The following KCNT2 variants were observed in gnomAD, a reference collection of about 807,000 sequenced individuals.
The protein encoded by KCNT2 is potassium channel subfamily T member 2.
Under a neutral mutation model 153.8 loss-of-function variants are expected in KCNT2, and 67 were observed. The ratio of observed to expected loss-of-function variants is 0.44; its 90% CI spans 0.36 to 0.53. KCNT2 has a LOEUF of 0.53. KCNT2 is among the 20% of genes least tolerant of loss of function. The probability of loss-of-function intolerance (pLI) is 0.00; values close to 1 mark genes in which losing one functional copy is unlikely to be tolerated. For synonymous variants in KCNT2, 500 were observed against 458.8 expected, an observed-to-expected ratio of 1.09 and a Z score of -1.15; for missense variants, 975 against 1,354.8, an observed-to-expected ratio of 0.72 and a Z score of 4.40.
chr1:196,353,719 C>T (rs1165346920), intron 14 of KCNT2, among the ~76,000 whole-genome samples: 1 of 151,888 alleles, frequency 6.6e-6, no homozygotes, highest in African/African-American at 2.4e-5. Context: ...TACTATACTT[C>T]AAAATAATCA....
At chr1:196,266,466 T>C (rs1044973613) in intron 25 of KCNT2, among the ~76,000 whole-genome samples, 2 of 152,304 alleles carry the variant, frequency 1.3e-5, no homozygotes, top group South Asian at 2.1e-4. Context: ...ACAGATATTG[T>C]CTAAAAATAT....
At chr1:196,366,763 C>T (rs762307480) in intron 14 of KCNT2, among the ~76,000 whole-genome samples, 20 of 152,030 alleles carry the variant, frequency 1.3e-4, no homozygotes, top group Non-Finnish European at 2.5e-4. Flanking sequence ...TTTGTCTCTC[C>T]AATTAGAATA....
At position 196,305,439 on chromosome 1, in the gene KCNT2, G is replaced by A. The variant is rs1050753417; in HGVS notation, c.2484-94C>T. The A allele has an allele frequency of 1.9e-5, 13 of 679,308 alleles. No individual in the cohort carries two copies. The East Asian group carries it at 2.5e-4, about 13-fold the overall frequency. The allele number at this position is 679,308 out of a possible 1,614,324, so 42.1% of individuals were successfully genotyped here. A position where few individuals can be genotyped will look rare whatever the true frequency, so the allele number is the denominator to read the frequency against. Reference sequence around the variant, plus strand: ...ATGAGTGAGTGATTCCTAGCCTTGGGCATAAAACTATATCCAATTACAACA... The same window carrying A: ...ATGAGTGAGTGATTCCTAGCCTTGGACATAAAACTATATCCAATTACAACA... On this transcript the variant is annotated intron_variant, in intron 21 of 27. Transcript: ENST00000294725.
intron 1 of KCNT2, among the ~76,000 whole-genome samples, chr1:196,591,672 C>T (rs763246367): frequency 1.3e-5 from 2 of 152,158 alleles, no homozygotes; most frequent in Non-Finnish European, 2.9e-5. Context: ...TGTCTTATCT[C>T]TCCAGCACAA....
chr1:196,472,645 G>T (rs982282604), intron 5 of KCNT2, among the ~76,000 whole-genome samples: 1 of 152,202 alleles, frequency 6.6e-6, no homozygotes, highest in East Asian at 1.9e-4. Context: ...CAAAACTTAT[G>T]ATTTGTTCCC....
chr1:196,561,828 T>A (rs1659456975), intron 1 of KCNT2, among the ~76,000 whole-genome samples: 1 of 151,656 alleles, frequency 6.6e-6, no homozygotes. Flanking sequence ...ATGTAAGATG[T>A]ACATTGACTC....
intron 1 of KCNT2, among the ~76,000 whole-genome samples, 157 bp from the exon 2 acceptor site, chr1:196,492,498 T>C (rs530006682): frequency 1.3e-5 from 2 of 152,228 alleles, no homozygotes; most frequent in African/African-American, 4.8e-5. Flanking sequence ...TGTATTTTAG[T>C]AAATTCCCTG....
intron 1 of KCNT2, among the ~76,000 whole-genome samples, chr1:196,598,323 C>T (rs1158416740): frequency 6.6e-6 from 1 of 152,092 alleles, no homozygotes; most frequent in Non-Finnish European, 1.5e-5. Flanking sequence ...TACCTTTACC[C>T]TATTTCAGTC....
chr1:196,523,231 C>A (rs1197187093), intron 1 of KCNT2, among the ~76,000 whole-genome samples: 1 of 152,068 alleles, frequency 6.6e-6, no homozygotes, highest in African/African-American at 2.4e-5. Flanking sequence ...AGACCACGAA[C>A]CCACCGGAAG....
intron 15 of KCNT2, among the ~76,000 whole-genome samples, chr1:196,341,768 C>T (rs1665658716): frequency 6.6e-6 from 1 of 151,796 alleles, no homozygotes; most frequent in South Asian, 2.1e-4. Flanking sequence ...TCCTAATCAA[C>T]ATCTTAAAAT....
intron 25 of KCNT2, among the ~76,000 whole-genome samples, chr1:196,264,390 A>T (rs1657320125): frequency 6.6e-6 from 1 of 152,054 alleles, no homozygotes; most frequent in South Asian, 2.1e-4. Flanking sequence ...TTACTTCCTG[A>T]GTTTTCATTA....
chr1:196,529,189 G>A (rs564860857), intron 1 of KCNT2, among the ~76,000 whole-genome samples: 15 of 152,170 alleles, frequency 9.9e-5, no homozygotes, highest in Middle Eastern at 6.8e-3. Context: ...AGAGTTTTCC[G>A]AAATGTGTGT....
intron 23 of KCNT2, among the ~76,000 whole-genome samples, chr1:196,284,509 C>G (rs752430735): frequency 1.3e-5 from 2 of 151,374 alleles, no homozygotes; most frequent in African/African-American, 2.4e-5. Flanking sequence ...CTTAAAACTA[C>G]TGGTGCATAA....
At chr1:196,368,674 A>T (rs919247919) in intron 14 of KCNT2, among the ~76,000 whole-genome samples, 1 of 152,136 alleles carries the variant, frequency 6.6e-6, no homozygotes, top group African/African-American at 2.4e-5. Flanking sequence ...GTGTTATTTT[A>T]TTATGCTATA....
intron 14 of KCNT2, among the ~76,000 whole-genome samples, chr1:196,367,581 AT>A (rs1668151914): frequency 6.6e-6 from 1 of 152,222 alleles, no homozygotes. Context: ...TCAAGCCTAC[AT>A]TTGAATATGT....
intron 14 of KCNT2, among the ~76,000 whole-genome samples, chr1:196,357,608 G>C (rs577454099): frequency 4.6e-4 from 70 of 151,952 alleles, no homozygotes; most frequent in African/African-American, 1.7e-3. Flanking sequence ...ACAAATATAG[G>C]TGTTTGTTTT....
At chr1:196,424,962 A>G (rs1276896864) in intron 11 of KCNT2, among the ~76,000 whole-genome samples, 1 of 151,826 alleles carries the variant, frequency 6.6e-6, no homozygotes, top group Non-Finnish European at 1.5e-5. Flanking sequence ...TTATCCAGGA[A>G]AGAAAAAAAA....
At chr1:196,581,377 T>C (rs188589167) in intron 1 of KCNT2, among the ~76,000 whole-genome samples, 222 of 152,228 alleles carry the variant, frequency 1.5e-3, no homozygotes, top group Non-Finnish European at 2.5e-3. Flanking sequence ...TAAAAAAAGT[T>C]CTATTTTTAT....
In KCNT2 at chr1:196,353,071, T is replaced by C. The variant is rs1295724888; in HGVS notation, c.1404-10843A>G. Among the ~76,000 whole-genome samples the C allele has an allele frequency of 3.3e-5, 5 of 152,042 alleles. No individual in the cohort carries two copies. The Admixed American group carries it at 3.3e-4, about 10-fold the overall frequency. On this transcript the variant is annotated intron_variant, in intron 14 of 27. Coordinates refer to ENST00000294725, the MANE Select transcript of KCNT2 (RefSeq NM_198503.5). Reference sequence around the variant, plus strand: ...ATTGCACTGTGGTCTTTTTAAACTATCGGTTGTGCTTCAGGAAACTCACGC... The same window carrying C: ...ATTGCACTGTGGTCTTTTTAAACTACCGGTTGTGCTTCAGGAAACTCACGC...
Sources: allele counts gnomAD v4.1 joint callset (sites outside exome capture counted in the v4.1 genomes callset), GRCh38; gene constraint gnomAD v4.1.1; transcripts MANE v1.5; gene names NCBI Gene and HGNC (gene_info 2026-07-23, HGNC 2026-07-21).